The following TAF2 variants were observed in gnomAD, a reference collection of about 807,000 sequenced individuals.
TAF2 encodes TATA-box binding protein associated factor 2.
A neutral mutation model predicts 138.5 loss-of-function variants in TAF2; 61 were observed. The ratio of observed to expected loss-of-function variants is 0.44; its 90% CI spans 0.36 to 0.54. The LOEUF is 0.54. Among genes scored for constraint, TAF2 ranks in the 20% least tolerant of loss-of-function variants. The probability of loss-of-function intolerance (pLI) is 0.00; values close to 1 mark genes in which losing one functional copy is unlikely to be tolerated. For missense variants in TAF2, 1,090 were observed against 1,427.9 expected, an observed-to-expected ratio of 0.76 and a Z score of 3.81; for synonymous variants, 475 against 469.9, an observed-to-expected ratio of 1.01 and a Z score of -0.14.
chr8:119,818,946 T>A (rs1328112824), intron 3 of TAF2, among the ~76,000 whole-genome samples: 1 of 152,216 alleles, frequency 6.6e-6, no homozygotes, highest in African/African-American at 2.4e-5. Flanking sequence ...AATTTCATTA[T>A]CTACTTTCTA....
rs751864705 is a variant in TAF2 at position 119,758,159 on chromosome 8, A to G, written c.2699-17T>C. On this transcript the variant is annotated splice_polypyrimidine_tract_variant and intron_variant, in intron 20 of 25. Transcript: ENST00000378164. Reference sequence around the variant, plus strand: ...TTCTGTCCACTGAAAATAAAAGAAAATATATTTGTTGTTAATTATAACAAA... The same window carrying G: ...TTCTGTCCACTGAAAATAAAAGAAAGTATATTTGTTGTTAATTATAACAAA... The G allele has an allele frequency of 4.4e-6, 7 of 1,584,358 alleles. No homozygotes were observed. The highest frequency in any genetic ancestry group is 6.1e-6 in the Non-Finnish European group (7 of 1,155,036).
At chr8:119,770,077 A>C (rs1197860156) in intron 18 of TAF2, among the ~76,000 whole-genome samples, 1 of 151,302 alleles carries the variant, frequency 6.6e-6, no homozygotes, top group Non-Finnish European at 1.5e-5. Context: ...TTTTTTTTAA[A>C]TGAACAAAGT....
At chr8:119,777,565 A>G (rs1822341895) in intron 18 of TAF2, among the ~76,000 whole-genome samples, 1 of 147,756 alleles carries the variant, frequency 6.8e-6, no homozygotes, top group East Asian at 1.9e-4. Context: ...TCCAATTGCT[A>G]TTTGCTAAAT....
chr8:119,763,740 A>G (rs1488243566), intron 18 of TAF2, among the ~76,000 whole-genome samples: 1 of 151,874 alleles, frequency 6.6e-6, no homozygotes, highest in Non-Finnish European at 1.5e-5. Context: ...AAGTGAGCCG[A>G]GACTGCACCA....
At chr8:119,773,948 G>A (rs1280706658) in intron 18 of TAF2, among the ~76,000 whole-genome samples, 1 of 151,662 alleles carries the variant, frequency 6.6e-6, no homozygotes, top group Admixed American at 6.8e-5. Context: ...AAGGCGGGTG[G>A]ATCACGAGGT....
In TAF2 at chr8:119,797,014, C is replaced by T; in HGVS notation, c.1067G>A (p.Gly356Asp). Residue 356 changes from glycine to aspartate, a missense_variant, in exon 8 of 26, where the codon GGT (glycine) becomes GAT (aspartate). Transcript: ENST00000378164. Reference sequence around the variant, plus strand: ...CCAAGACATTCTAGATATGAAACAACCAAAAAACTGCTGGGCCAAGGATTG... The same window carrying T: ...CCAAGACATTCTAGATATGAAACAATCAAAAAACTGCTGGGCCAAGGATTG... ...LAQSLAQQFF[G>D]CFISRMSWSD... 1 of 1,612,986 alleles carries T rather than the reference C, an allele frequency of 6.2e-7. No individual in the cohort carries two copies. Among genetic ancestry groups the T allele is most frequent in the African/African-American group, 1.3e-5 (1 of 74,916 alleles).
intron 22 of TAF2, among the ~76,000 whole-genome samples, chr8:119,753,584 C>G (rs543504464): frequency 2.0e-5 from 3 of 152,250 alleles, no homozygotes; most frequent in African/African-American, 7.2e-5. Context: ...GGTTTAAATA[C>G]TGGCAGAGAA....
chr8:119,819,457 A>G lies in TAF2; in HGVS notation c.188T>C (p.Ile63Thr). The G allele has an allele frequency of 6.2e-7, 1 of 1,611,380 alleles. No homozygotes were observed. Among genetic ancestry groups the G allele is most frequent in the Non-Finnish European group, 8.5e-7 (1 of 1,179,524 alleles). ...IFPTVANLNR[I>T]KLNSKQCRIY... The stretch of plus-strand genomic sequence containing the variant: ...TCTACACTGTTTGCTGTTCAACTTG[A>G]TTCTATTCAAGTTTGCAACTGTGGG... Residue 63 changes from isoleucine (I) to threonine (T), a missense_variant, in exon 3 of 26, where the codon ATC becomes ACC. Coordinates refer to ENST00000378164, the MANE Select transcript of TAF2 (RefSeq NM_003184.4).
At chr8:119,781,628 T>G (rs543099220) in intron 16 of TAF2, among the ~76,000 whole-genome samples, 12 of 151,918 alleles carry the variant, frequency 7.9e-5, no homozygotes, top group Admixed American at 5.9e-4. Context: ...GAGGTTGCAG[T>G]GAGCCAAGAT....
rs1331664717 is a variant in TAF2, at chr8:119,731,928, T to G, written c.3596A>C (p.Asp1199Ala). ...GRSIRSPSLS[D>A] ...AAAGGTCTTTTTGTCCCCTTCTCAG[T>G]CTGAAAGGGAAGGAGAACGAATAGA... The change falls in exon 26 of 26, where the codon GAC becomes GCC. Residue 1199 changes from aspartate to alanine, a missense_variant. Asp to Ala is a moderately radical substitution (Grantham distance 126). Around this residue, in one of 3 missense-constraint regions of TAF2, gnomAD observed 580 missense variants for 719.6 expected, o/e 0.81. Coordinates refer to ENST00000378164, the MANE Select transcript of TAF2 (RefSeq NM_003184.4). The G allele has an allele frequency of 3.1e-6, 5 of 1,614,036 alleles. No individual in the cohort carries two copies. The highest frequency in any genetic ancestry group is 4.2e-6 in the Non-Finnish European group (5 of 1,179,914).
intron 6 of TAF2, among the ~76,000 whole-genome samples, chr8:119,800,203 T>C (rs1463282213): frequency 2.6e-5 from 4 of 152,190 alleles, no homozygotes; most frequent in Non-Finnish European, 5.9e-5. Context: ...GTGTTTTAGA[T>C]AAGAAGTCCT....
At chr8:119,796,826 AAGTT>A (rs1353980409) in intron 8 of TAF2, among the ~76,000 whole-genome samples, 160 bp downstream of exon 8, 3 of 152,118 alleles carry the variant, frequency 2.0e-5, no homozygotes, top group Non-Finnish European at 2.9e-5. Context: ...CATGGCCAAA[AAGTT>A]AGGATGAAAC....
At chr8:119,826,465 T>C (rs955459882) in intron 2 of TAF2, among the ~76,000 whole-genome samples, 1 of 152,202 alleles carries the variant, frequency 6.6e-6, no homozygotes, top group Admixed American at 6.5e-5. Context: ...TTCAGGTATG[T>C]CTTTATTAGC....
intron 3 of TAF2, among the ~76,000 whole-genome samples, chr8:119,817,933 T>G (rs1190212095): frequency 6.6e-6 from 1 of 152,268 alleles, no homozygotes; most frequent in Non-Finnish European, 1.5e-5. Context: ...AGTCTTTTTA[T>G]GTCAGTTCTA....
intron 1 of TAF2, among the ~76,000 whole-genome samples, chr8:119,832,138 G>A (rs72690112): frequency 0.14 from 20,539 of 151,466 alleles, 1,581 homozygotes; most frequent in Middle Eastern, 0.35. Context: ...CAGCCTGGGC[G>A]ACTGAGAGAC....
chr8:119,802,293 T>C (rs1256086905), intron 5 of TAF2, among the ~76,000 whole-genome samples: 1 of 152,222 alleles, frequency 6.6e-6, no homozygotes, highest in Non-Finnish European at 1.5e-5. Flanking sequence ...TAGCTTTCAG[T>C]GTTTTAAAAA....
rs150860942 is a variant in TAF2, at chr8:119,830,904, G to A, written c.138+773C>T. Reference sequence around the variant, plus strand: ...GTGAATCACTTGAGGTCAGGAGTTCGAGACCAGCCTGGCCAACATGGAGAA... The same window carrying A: ...GTGAATCACTTGAGGTCAGGAGTTCAAGACCAGCCTGGCCAACATGGAGAA... On this transcript the variant is annotated intron_variant, in intron 2 of 25. Transcript: ENST00000378164. Among the ~76,000 whole-genome samples, 1,377 of 152,198 alleles carry A rather than the reference G, an allele frequency of 9.0e-3. 20 individuals carry two copies. Among genetic ancestry groups the A allele is most frequent in the African/African-American group, 0.032 (1,310 of 41,508 alleles).
intron 18 of TAF2, among the ~76,000 whole-genome samples, chr8:119,766,212 CA>C (rs1304409537): frequency 6.6e-6 from 1 of 152,192 alleles, no homozygotes; most frequent in Non-Finnish European, 1.5e-5. Context: ...CCCCACACAT[CA>C]GTGGTTCTCA....
chr8:119,763,433 A>G (rs183400287), intron 18 of TAF2, among the ~76,000 whole-genome samples: 53 of 152,328 alleles, frequency 3.5e-4, no homozygotes, highest in African/African-American at 1.2e-3. Context: ...AAACTGGGAC[A>G]ATAATAGTAT....
Sources: gnomAD v4.1 joint callset for allele counts (sites outside exome capture counted in the v4.1 genomes callset) on GRCh38, gnomAD v4.1.1 for gene constraint, gnomAD v4.1.1 regional missense constraint, MANE v1.5 for transcripts, NCBI Gene and HGNC (gene_info 2026-07-23, HGNC 2026-07-21) for gene names.